The following ARHGEF10 variants were observed in gnomAD, a reference collection of about 807,000 sequenced individuals.
The protein encoded by ARHGEF10 is Rho guanine nucleotide exchange factor (GEF) 10.
ARHGEF10 carries 140 observed loss-of-function variants against 147.4 expected under a neutral mutation model. The ratio of observed to expected loss-of-function variants is 0.95; its 90% CI spans 0.83 to 1.09. The LOEUF is 1.09. ARHGEF10 is among the 50% of genes least tolerant of loss of function. The pLI is 0.00. For missense variants in ARHGEF10, 2,222 were observed against 1,752.7 expected (o/e 1.27, Z -4.78); for synonymous variants, 902 against 695.8 (o/e 1.30, Z -4.67).
chr8:1,849,931 C>T lies in ARHGEF10; in HGVS notation c.37+6495C>T, dbSNP rs1320966620. ...GGCAAATGCTGAGGAGGGCGTGGGC[C>T]GGCTGCGTGGACACAGAGGGCAAAT... On this transcript the variant is annotated intron_variant, in intron 2 of 28. Coordinates refer to ENST00000349830, the MANE Select transcript of ARHGEF10 (RefSeq NM_014629.4). Among the ~76,000 whole-genome samples, 7 of 137,060 alleles carry T rather than the reference C, an allele frequency of 5.1e-5. No individual in the cohort carries two copies. In the East Asian group the frequency reaches 6.9e-4, roughly 13 times the overall value. The allele number at this position is 137,060 out of a possible 152,430, so 89.9% of individuals were successfully genotyped here.
At chr8:1,905,830 C>G (rs1313930963) in intron 17 of ARHGEF10, 114 bp downstream of exon 17, 7 of 1,364,798 alleles carry the variant, frequency 5.1e-6, no homozygotes, top group Non-Finnish European at 7.2e-6. Flanking sequence ...GTTTTTTGTG[C>G]CAAAGCTCTG....
chr8:1,906,058 A>T (rs1464990949), intron 17 of ARHGEF10, among the ~76,000 whole-genome samples: 1 of 152,224 alleles, frequency 6.6e-6, no homozygotes, highest in Non-Finnish European at 1.5e-5. Flanking sequence ...CTGCTTCTCT[A>T]TAAATATATT....
intron 24 of ARHGEF10, 127 bp downstream of exon 24, chr8:1,928,777 A>AC: frequency 9.5e-7 from 1 of 1,052,702 alleles, no homozygotes; most frequent in South Asian, 1.4e-5. Context: ...ATTAGGGGAT[A>AC]CCAGGGGAAA....
chr8:1,913,696 A>T (rs34299432), intron 18 of ARHGEF10, among the ~76,000 whole-genome samples: 3 of 152,148 alleles, frequency 2.0e-5, no homozygotes, highest in Non-Finnish European at 4.4e-5. Context: ...GTGTGTTCTC[A>T]GAACTTTGCA....
At chr8:1,910,800 TATA>T (rs1440105302) in intron 18 of ARHGEF10, among the ~76,000 whole-genome samples, 2 of 152,268 alleles carry the variant, frequency 1.3e-5, no homozygotes, top group African/African-American at 4.8e-5. Flanking sequence ...TCATGTATTT[TATA>T]ATGCTAGCAA....
At chr8:1,831,148 C>T (rs552582610) in intron 1 of ARHGEF10, among the ~76,000 whole-genome samples, 2 of 151,502 alleles carry the variant, frequency 1.3e-5, no homozygotes, top group South Asian at 4.2e-4. Context: ...GGGAGAGCCA[C>T]GGAGGGGCCA....
intron 9 of ARHGEF10, among the ~76,000 whole-genome samples, chr8:1,880,715 G>A (rs1808115803): frequency 6.6e-6 from 1 of 152,212 alleles, no homozygotes; most frequent in South Asian, 2.1e-4. Context: ...TGAGTGTCGT[G>A]ACAGTCTGTT....
chr8:1,913,966 C>G (rs536385065), intron 18 of ARHGEF10, among the ~76,000 whole-genome samples: 3 of 152,194 alleles, frequency 2.0e-5, no homozygotes, highest in Non-Finnish European at 4.4e-5. Flanking sequence ...AACTTCCAGG[C>G]AAACGCGGAA....
chr8:1,920,760 A>G (rs2129207309), intron 18 of ARHGEF10, among the ~76,000 whole-genome samples: 1 of 151,788 alleles, frequency 6.6e-6, no homozygotes, highest in South Asian at 2.1e-4. Flanking sequence ...ATGTGTAACT[A>G]CTGGATCAGT....
At chr8:1,888,230 CAG>C (rs1808934349) in intron 11 of ARHGEF10, among the ~76,000 whole-genome samples, 1 of 63,298 alleles carries the variant, frequency 1.6e-5, no homozygotes, top group African/African-American at 8.6e-5. Context: ...TGCGAGGAGA[CAG>C]TGAGTGTGGT....
At position 1,926,039 on chromosome 8, in the gene ARHGEF10, A is replaced by G. The variant is rs1424543324; in HGVS notation, c.2611-338A>G. On this transcript the variant is annotated intron_variant, in intron 22 of 28. Coordinates refer to ENST00000349830, the MANE Select transcript of ARHGEF10 (RefSeq NM_014629.4). ...GGGAGAGGCTGGGGTGGGACAGGGA[A>G]GGGGAGAGGCACAGGCCATCACAGG... 2.6e-5 allele frequency among the ~76,000 whole-genome samples: 4 copies of G among 152,280 alleles called. No homozygotes were observed. The East Asian group carries it at 7.7e-4, about 29-fold the overall frequency.
chr8:1,847,128 G>C (rs138090850), intron 2 of ARHGEF10, among the ~76,000 whole-genome samples: 309 of 152,262 alleles, frequency 2.0e-3, no homozygotes, highest in Non-Finnish European at 3.7e-3. Flanking sequence ...AAGGGGAAGT[G>C]GTGTTGGAGA....
intron 4 of ARHGEF10, among the ~76,000 whole-genome samples, chr8:1,860,892 G>A (rs1806073612): frequency 6.6e-6 from 1 of 152,142 alleles, no homozygotes; most frequent in Non-Finnish European, 1.5e-5. Context: ...GGGGTGGTGG[G>A]GGTGGGAGAA....
intron 11 of ARHGEF10, among the ~76,000 whole-genome samples, chr8:1,886,188 A>G (rs185438850): frequency 6.6e-6 from 1 of 152,368 alleles, no homozygotes; most frequent in East Asian, 1.9e-4. Context: ...GGAAAAAATC[A>G]GTGGTTTTCA....
intron 2 of ARHGEF10, among the ~76,000 whole-genome samples, chr8:1,844,089 C>G (rs1484816383): frequency 2.6e-5 from 4 of 152,354 alleles, no homozygotes; most frequent in East Asian, 1.9e-4. Flanking sequence ...CTCCCGGGGC[C>G]TGCCGGACCA....
chr8:1,898,670 T>C, intron 15 of ARHGEF10, 145 bp downstream of exon 15: 1 of 884,374 alleles, frequency 1.1e-6, no homozygotes, highest in South Asian at 1.4e-5. Context: ...AGGTGGAGGG[T>C]AGAGGCAGGT....
chr8:1,869,467 C>A, intron 7 of ARHGEF10: 1 of 674,954 alleles, frequency 1.5e-6, no homozygotes, highest in Non-Finnish European at 2.7e-6. Context: ...TTTAATCTTA[C>A]TTATCCCAAG....
chr8:1,826,255 G>A (rs1802761443), intron 1 of ARHGEF10: 1 of 929,318 alleles, frequency 1.1e-6, no homozygotes, highest in Non-Finnish European at 1.7e-6. Flanking sequence ...GTTGATGCTT[G>A]ACTTCCAGAT....
intron 18 of ARHGEF10, among the ~76,000 whole-genome samples, chr8:1,922,607 A>G (rs532024421): frequency 6.6e-6 from 1 of 152,140 alleles, no homozygotes; most frequent in Admixed American, 6.5e-5. Context: ...AATGACATTC[A>G]TGTGAAAGCG....
Sources: gnomAD v4.1 joint callset for allele counts (sites outside exome capture counted in the v4.1 genomes callset) on GRCh38, gnomAD v4.1.1 for gene constraint, MANE v1.5 for transcripts, NCBI Gene and HGNC (gene_info 2026-07-23, HGNC 2026-07-21) for gene names.